CLSTN2: variants seen among roughly 807,000 people sequenced by gnomAD.
CLSTN2 encodes calsyntenin-2.
A neutral mutation model predicts 101.2 loss-of-function variants in CLSTN2; 48 were observed. That is an observed-to-expected ratio of 0.47 (90% CI 0.38 to 0.60). The LOEUF (loss-of-function observed/expected upper bound fraction) is 0.60, where lower values mean the gene tolerates loss of function less well. Ranked by LOEUF, CLSTN2 falls within the 20% of genes least tolerant of loss-of-function variation. The probability of loss-of-function intolerance (pLI) is 0.00; values close to 1 mark genes in which losing one functional copy is unlikely to be tolerated. For missense variants in CLSTN2, 1,160 were observed against 1,238.2 expected (o/e 0.94, Z 0.95); for synonymous variants, 481 against 463.6 (o/e 1.04, Z -0.48).
intron 1 of CLSTN2, among the ~76,000 whole-genome samples, chr3:140,166,113 C>T (rs868213264): frequency 3.9e-5 from 6 of 152,202 alleles, no homozygotes; most frequent in African/African-American, 1.4e-4. Context: ...TCCCCCTAAA[C>T]TTTGAGTGCT....
intron 1 of CLSTN2, among the ~76,000 whole-genome samples, chr3:140,024,037 G>T (rs999774432): frequency 6.6e-6 from 1 of 152,174 alleles, no homozygotes; most frequent in Non-Finnish European, 1.5e-5. Context: ...CAAACTGCTT[G>T]GGTGTGAACC....
chr3:140,453,767 G>T (rs1028121172), intron 6 of CLSTN2, among the ~76,000 whole-genome samples: 1 of 152,046 alleles, frequency 6.6e-6, no homozygotes, highest in Non-Finnish European at 1.5e-5. Context: ...ATTGTTTAAC[G>T]TAAAAAAATT....
At chr3:140,198,279 AC>A (rs1284145940) in intron 2 of CLSTN2, among the ~76,000 whole-genome samples, 5 of 152,198 alleles carry the variant, frequency 3.3e-5, no homozygotes, top group African/African-American at 1.2e-4. Context: ...CCTTTGGGGC[AC>A]CTGTATGAGT....
rs558593013 is a variant in CLSTN2, at chr3:139,960,568, C to T, written c.109+25085C>T. The stretch of plus-strand genomic sequence containing the variant: ...TAGCACTGGGTTTGAGCCACTAGTA[C>T]CCACTTACTATCTGTCTTGACATTT... On this transcript the variant is annotated intron_variant, in intron 1 of 16. Coordinates refer to ENST00000458420, the MANE Select transcript of CLSTN2 (RefSeq NM_022131.3). Among the ~76,000 whole-genome samples the T allele has an allele frequency of 2.6e-5, 4 of 152,340 alleles. No individual in the cohort carries two copies. In the South Asian group the frequency reaches 6.2e-4, roughly 24 times the overall value.
intron 7 of CLSTN2, among the ~76,000 whole-genome samples, chr3:140,461,847 C>T (rs1933571342): frequency 6.6e-6 from 1 of 151,708 alleles, no homozygotes; most frequent in South Asian, 2.1e-4. Context: ...TTATGTGAAA[C>T]AACACTCAAG....
At chr3:140,123,974 T>C (rs1451503075) in intron 1 of CLSTN2, among the ~76,000 whole-genome samples, 1 of 152,042 alleles carries the variant, frequency 6.6e-6, no homozygotes, top group East Asian at 1.9e-4. Context: ...ACAATCACAC[T>C]GGGGGTTAGG....
intron 1 of CLSTN2, among the ~76,000 whole-genome samples, 159 bp from the exon 2 acceptor site, chr3:140,175,792 C>A (rs763554191): frequency 2.6e-5 from 4 of 152,308 alleles, no homozygotes; most frequent in Non-Finnish European, 5.9e-5. Flanking sequence ...TTCTCTGAAG[C>A]TTTTCTGGGT....
intron 1 of CLSTN2, among the ~76,000 whole-genome samples, chr3:140,095,010 T>G (rs1017408081): frequency 6.6e-6 from 1 of 152,242 alleles, no homozygotes; most frequent in Non-Finnish European, 1.5e-5. Flanking sequence ...AGACTGATTA[T>G]AGAACTTTAA....
intron 1 of CLSTN2, among the ~76,000 whole-genome samples, chr3:139,948,601 G>A (rs143561817): frequency 7.2e-5 from 11 of 152,296 alleles, no homozygotes; most frequent in Admixed American, 4.6e-4. Context: ...CCATTTGATT[G>A]GAAGTGTGAA....
intron 1 of CLSTN2, among the ~76,000 whole-genome samples, chr3:139,992,932 G>A (rs982656486): frequency 2.0e-5 from 3 of 152,198 alleles, no homozygotes; most frequent in African/African-American, 7.2e-5. Flanking sequence ...CACACTTTGA[G>A]TTCCTTTCTT....
intron 2 of CLSTN2, among the ~76,000 whole-genome samples, chr3:140,393,513 C>A (rs1317965298): frequency 2.6e-5 from 4 of 152,192 alleles, no homozygotes; most frequent in Admixed American, 6.5e-5. Flanking sequence ...TCCATGCCTG[C>A]TAGATTCCTC....
At chr3:140,459,401 T>G in intron 6 of CLSTN2, 120 bp from the exon 7 acceptor site, 1 of 1,128,922 alleles carries the variant, frequency 8.9e-7, no homozygotes, top group Non-Finnish European at 1.3e-6. Flanking sequence ...ACATAGCTCA[T>G]GGTTAGGCAC....
chr3:140,513,583 C>CTTCTTTTTTTTTTTTTTT (rs374321434), intron 8 of CLSTN2, among the ~76,000 whole-genome samples: 2 of 117,768 alleles, frequency 1.7e-5, no homozygotes, highest in Non-Finnish European at 3.3e-5. Context: ...TTTTTTCTTT[C>CTTCTTTTTTTTTTTTTTT]TTTTTTTTTT....
At chr3:140,374,802 T>G (rs1228886527) in intron 2 of CLSTN2, among the ~76,000 whole-genome samples, 1 of 152,212 alleles carries the variant, frequency 6.6e-6, no homozygotes, top group Non-Finnish European at 1.5e-5. Flanking sequence ...TAGTCTTACA[T>G]AAATAATATA....
intron 2 of CLSTN2, among the ~76,000 whole-genome samples, chr3:140,187,728 T>C (rs1471423932): frequency 6.6e-6 from 1 of 152,162 alleles, no homozygotes; most frequent in East Asian, 1.9e-4. Flanking sequence ...TTTCATCTGG[T>C]TTCCACTGTG....
intron 8 of CLSTN2, 55 bp downstream of exon 8, chr3:140,466,786 T>A: frequency 1.2e-6 from 2 of 1,609,428 alleles, no homozygotes; most frequent in Middle Eastern, 4.0e-4. Flanking sequence ...GGGTGGCCAG[T>A]CCAATCCAAT....
At chr3:140,311,235 GATGC>G (rs2087163919) in intron 2 of CLSTN2, among the ~76,000 whole-genome samples, 1 of 142,286 alleles carries the variant, frequency 7.0e-6, no homozygotes, top group Non-Finnish European at 1.5e-5. Context: ...ACGAATAGAT[GATGC>G]ATTAGTGTGT....
chr3:140,152,373 C>T (rs2009881749), intron 1 of CLSTN2, among the ~76,000 whole-genome samples: 1 of 152,130 alleles, frequency 6.6e-6, no homozygotes, highest in Admixed American at 6.5e-5. Context: ...GTTCACCTGT[C>T]ATTTTTGAAG....
chr3:140,180,945 T>C (rs2010399229), intron 2 of CLSTN2, among the ~76,000 whole-genome samples: 1 of 152,212 alleles, frequency 6.6e-6, no homozygotes, highest in African/African-American at 2.4e-5. Context: ...CAGGGTCTTG[T>C]TCATGCCTCA....
Sources: allele counts gnomAD v4.1 joint callset (sites outside exome capture counted in the v4.1 genomes callset), GRCh38; gene constraint gnomAD v4.1.1; transcripts MANE v1.5; gene names NCBI Gene and HGNC (gene_info 2026-07-23, HGNC 2026-07-21).